Variants in ZNF397 observed in about 807,000 individuals in gnomAD.
ZNF397 encodes zinc finger protein 397, also known as zinc finger and SCAN domain-containing protein 15.
In ZNF397, 38 loss-of-function variants were observed where a neutral mutation model predicts 50.6. The observed-to-expected ratio is 0.75, with a 90% CI of 0.58 to 0.98. The LOEUF is 0.98. Ranked by LOEUF, ZNF397 falls within the 50% of genes least tolerant of loss-of-function variation. The pLI is 0.00. For missense variants in ZNF397, 624 were observed against 624.1 expected, an observed-to-expected ratio of 1.00 and a Z score of 0.00; for synonymous variants, 228 against 215.2, an observed-to-expected ratio of 1.06 and a Z score of -0.52.
rs1286895213 is a variant in ZNF397, at chr18:35,246,207, G to T, written c.1502G>T (p.Arg501Ile). 2 of 1,552,092 alleles carry T rather than the reference G, an allele frequency of 1.3e-6. No homozygotes were observed. The highest frequency in any genetic ancestry group is 1.7e-6 in the Non-Finnish European group (2 of 1,147,074). The change falls in exon 4 of 4, where the codon AGA becomes ATA. Residue 501 changes from arginine (R) to isoleucine (I), a missense_variant. By Grantham distance (97) the Arg-to-Ile change is moderately conservative. Transcript: ENST00000330501. ...KRSSALVQHQ[R>I]IHSGDEAYIC... The stretch of plus-strand genomic sequence containing the variant: ...AGCTCAGCCCTTGTTCAGCATCAGA[G>T]AATTCATTCTGGGGATGAAGCTTAT...
Position 35,246,369 on chromosome 18 carries a change from A to C in ZNF397, c.*59A>C, listed in dbSNP as rs754949402. 51 of 1,468,500 alleles carry C rather than the reference A, an allele frequency of 3.5e-5. No individual in the cohort carries two copies. The highest frequency in any genetic ancestry group is 3.6e-6 in the Non-Finnish European group (4 of 1,111,460). 91.0% of individuals were successfully genotyped at this position (1,468,500 alleles called of 1,614,324 possible). A position where few individuals can be genotyped will look rare whatever the true frequency, so the allele number is the denominator to read the frequency against. ...GTCAGATTTTTAAGTTTGTTAGTCA[A>C]AAGAGTTTACTTTGGAGCAAAACTC... On this transcript the variant is annotated 3_prime_UTR_variant, in exon 4 of 4. Coordinates refer to ENST00000330501, the MANE Select transcript of ZNF397 (RefSeq NM_001135178.3).
chr18:35,246,081 G>A lies in ZNF397; in HGVS notation c.1376G>A (p.Gly459Glu). The change falls in exon 4 of 4, where the codon GGA (glycine) becomes GAA (glutamate). Residue 459 changes from glycine (G) to glutamate (E), a missense_variant. Gly to Glu is a moderately conservative substitution (Grantham distance 98). Coordinates refer to ENST00000330501, the MANE Select transcript of ZNF397 (RefSeq NM_001135178.3). ...GEKPYECSEC[G>E]KAFSLSSNLI... The stretch of plus-strand genomic sequence containing the variant: ...AAACCCTATGAATGTAGTGAATGTG[G>A]AAAAGCTTTCAGTTTGAGCTCAAAC... 1 of 1,557,594 alleles carries A rather than the reference G, an allele frequency of 6.4e-7. No individual in the cohort carries two copies. The highest frequency in any genetic ancestry group is 1.9e-5 in the Admixed American group (1 of 51,474).
Position 35,245,244 on chromosome 18 carries a change from TGC to T in ZNF397, c.557-17_557-16del. The T allele has an allele frequency of 6.4e-7, 1 of 1,562,854 alleles. No individual in the cohort carries two copies. The highest frequency in any genetic ancestry group is 2.0e-5 in the Admixed American group (1 of 50,980). On this transcript the variant is annotated splice_polypyrimidine_tract_variant and intron_variant, in intron 3 of 3. Coordinates refer to ENST00000330501, the MANE Select transcript of ZNF397 (RefSeq NM_001135178.3). ...AAGAGAAATGTAATATCTGTTTTTT[TGC>T]TACTTATTGTTTCAGATTGTGAGAA...
intron 5 of ZNF397, chr18:35,257,895 C>T (rs1351932279): frequency 1.3e-6 from 1 of 780,940 alleles, no homozygotes; most frequent in Non-Finnish European, 2.4e-6. Context: ...GCTCTTTTCC[C>T]TTCCTAATCC....
Position 35,242,509 on chromosome 18 carries a change from T to G in ZNF397, c.39T>G (p.Pro13=), listed in dbSNP as rs1427562721. 1.2e-6 allele frequency: 2 copies of G among 1,614,074 alleles called. No homozygotes were observed. The highest frequency in any genetic ancestry group is 4.5e-5 in the East Asian group (2 of 44,888). Residue 13 remains proline (P), a synonymous_variant, in exon 2 of 4, where the codon CCT becomes CCG. Coordinates refer to ENST00000330501, the MANE Select transcript of ZNF397 (RefSeq NM_001135178.3). The part of the protein sequence containing the change: ...VESGVISTLI[P]QDPPEQELIL... ...CTGGAGTGATTTCAACCCTGATACCTCAGGATCCTCCGGAACAAGAACTAA... is the reference window on the plus strand; with the variant it reads ...CTGGAGTGATTTCAACCCTGATACCGCAGGATCCTCCGGAACAAGAACTAA...
chr18:35,254,937 T>C (rs2043745673), intron 5 of ZNF397: 1 of 156,412 alleles, frequency 6.4e-6, no homozygotes. Context: ...TAAATAATTA[T>C]AAGCAAATAG....
downstream of ZNF397, chr18:35,254,307 T>C: frequency 3.7e-6 from 6 of 1,614,124 alleles, no homozygotes; most frequent in Non-Finnish European, 5.1e-6. Context: ...CCCGGCGATA[T>C]CATAGCTGCT....
In ZNF397 at chr18:35,243,281, TC is replaced by T; in HGVS notation, c.548del (p.Pro183LeufsTer40). ...GCTGAAATCCTGGAAACCATGCCTT[TC>T]CCCTAAAAGTGGTGAGGAATGGGAA... ...TQLKSWKPCL[S>X]PKSDCENSET... On this transcript the variant is annotated frameshift_variant, in exon 3 of 4. Transcript: ENST00000330501. LOFTEE classifies it high-confidence loss of function. The T allele has an allele frequency of 6.2e-7, 1 of 1,614,206 alleles. No individual in the cohort carries two copies. The highest frequency in any genetic ancestry group is 8.5e-7 in the Non-Finnish European group (1 of 1,180,034).
downstream of ZNF397, chr18:35,253,470 T>C: frequency 1.3e-6 from 2 of 1,583,778 alleles, no homozygotes; most frequent in South Asian, 2.3e-5. Context: ...GTGTGTGTTC[T>C]CTGATGCTGC....
At position 35,246,028 on chromosome 18, in the gene ZNF397, T is replaced by C. The variant is rs747560793; in HGVS notation, c.1323T>C (p.Ile441=). ...CTTTCAGGCAGAGCTCAGAGCTGAT[T>C]ACTCATCAGAGAATACATAGTGGAG... ...GKAFRQSSEL[I]THQRIHSGEK... is the part of the protein sequence containing the mutation. Residue 441 remains isoleucine, a synonymous_variant, in exon 4 of 4, where the codon ATT becomes ATC. Coordinates refer to ENST00000330501, the MANE Select transcript of ZNF397 (RefSeq NM_001135178.3). 1.3e-6 allele frequency: 2 copies of C among 1,568,596 alleles called. No homozygotes were observed. Among genetic ancestry groups the C allele is most frequent in the East Asian group, 4.8e-5 (2 of 42,096 alleles).
In ZNF397 at chr18:35,247,950, G is replaced by C. The variant is rs986664683; in HGVS notation, c.*1640G>C. On this transcript the variant is annotated 3_prime_UTR_variant, in exon 4 of 4. Coordinates refer to ENST00000330501, the MANE Select transcript of ZNF397 (RefSeq NM_001135178.3). ...CCCCCAAAGTGCTGGGATTACAGGC[G>C]TGAGCCATGGCGCCCAACCATCTTT... is the stretch of plus-strand genomic sequence containing the variant. The C allele has an allele frequency of 6.6e-6, 1 of 152,170 alleles. No individual in the cohort carries two copies. The highest frequency in any genetic ancestry group is 2.4e-5 in the African/African-American group (1 of 41,426). The allele number at this position is 152,170 out of a possible 1,614,324, so 9.4% of individuals were successfully genotyped here.
intron 5 of ZNF397, among the ~76,000 whole-genome samples, chr18:35,255,511 A>G (rs1015183072): frequency 6.6e-6 from 1 of 152,040 alleles, no homozygotes; most frequent in Non-Finnish European, 1.5e-5. Flanking sequence ...TAACATCAAA[A>G]CTTGTAATCT....
rs759424171 is a variant in ZNF397, at chr18:35,242,762, T to C, written c.292T>C (p.Phe98Leu). Reference sequence around the variant, plus strand: ...CTTAGAACTGCTGGTACTGGAGCAGTTCCTGAGCATTCTGCCTGAGGAGCT... The same window carrying C: ...CTTAGAACTGCTGGTACTGGAGCAGCTCCTGAGCATTCTGCCTGAGGAGCT... ...QILELLVLEQFLSILPEELQI... is the reference protein window; with the variant it reads ...QILELLVLEQLLSILPEELQI... Residue 98 changes from phenylalanine to leucine, a missense_variant, in exon 2 of 4, where the codon TTC becomes CTC. Transcript: ENST00000330501. The C allele has an allele frequency of 6.2e-6, 10 of 1,614,058 alleles. No individual in the cohort carries two copies. Among genetic ancestry groups the C allele is most frequent in the Non-Finnish European group, 8.5e-7 (1 of 1,180,044 alleles).
At chr18:35,253,403 C>G (rs371198279), downstream of ZNF397, 1,591 of 1,483,220 alleles carry the variant, frequency 1.1e-3, 21 homozygotes, top group Middle Eastern at 0.025. Flanking sequence ...CTCACCCCTA[C>G]AGTGAACTCC....
At chr18:35,253,963 AGTAT>A (rs774104481), downstream of ZNF397, 2 of 1,614,100 alleles carry the variant, frequency 1.2e-6, no homozygotes, top group African/African-American at 2.7e-5. Context: ...GTCTCTCTCC[AGTAT>A]GAATTCTCTG....
rs35303747 is a variant in ZNF397, at chr18:35,249,652, CAAAAAAAAAAAA to C, written c.*3357_*3368del. The C allele has an allele frequency of 7.8e-5, 2 of 25,634 alleles. No homozygotes were observed. Among genetic ancestry groups the C allele is most frequent in the South Asian group, 4.4e-3 (2 of 452 alleles). The allele number at this position is 25,634 out of a possible 1,614,324, so 1.6% of individuals were successfully genotyped here. On this transcript the variant is annotated 3_prime_UTR_variant, in exon 4 of 4. Transcript: ENST00000330501. ...TGGGTGACAGAGTGAGACTGTGTCT[CAAAAAAAAAAAA>C]AAAAAAAAAAAAAACACTGATGTCA...
chr18:35,254,013 T>A (rs1184714042), downstream of ZNF397: 1 of 1,614,100 alleles, frequency 6.2e-7, no homozygotes, highest in African/African-American at 1.3e-5. Flanking sequence ...CAAAAGGCCT[T>A]CCCACAGTCA....
chr18:35,253,309 T>C (rs9952339), downstream of ZNF397: 5,436 of 590,972 alleles, frequency 9.2e-3, 219 homozygotes, highest in African/African-American at 0.091. Flanking sequence ...ACAAACATCT[T>C]TGTGTGCATG....
In ZNF397 at chr18:35,249,727, G is replaced by A. The variant is rs1004674154; in HGVS notation, c.*3417G>A. The A allele has an allele frequency of 3.5e-5, 5 of 141,554 alleles. No individual in the cohort carries two copies. Among genetic ancestry groups the A allele is most frequent in the Non-Finnish European group, 7.6e-5 (5 of 65,454 alleles). The allele number at this position is 141,554 out of a possible 1,614,324, so 8.8% of individuals were successfully genotyped here. ...TGAAGTATTCATGATATATTGTTAA[G>A]TAAAAATATTACAAAACAATATGTA... On this transcript the variant is annotated 3_prime_UTR_variant, in exon 4 of 4. Transcript: ENST00000330501.
Sources: gnomAD v4.1 joint callset for allele counts (sites outside exome capture counted in the v4.1 genomes callset) on GRCh38, gnomAD v4.1.1 for gene constraint, MANE v1.5 for transcripts, NCBI Gene and HGNC (gene_info 2026-07-23, HGNC 2026-07-21) for gene names.